VIPR2: variants seen among roughly 807,000 people sequenced by gnomAD.
VIPR2 encodes the protein vasoactive intestinal peptide receptor 2.
VIPR2 carries 48 observed loss-of-function variants against 58.0 expected under a neutral mutation model. The ratio of observed to expected loss-of-function variants is 0.83; its 90% confidence interval spans 0.66 to 1.05. The LOEUF (loss-of-function observed/expected upper bound fraction) is 1.05. VIPR2 is among the 50% of genes least tolerant of loss of function. The pLI is 0.00. For synonymous variants in VIPR2, 243 were observed against 235.2 expected, an observed-to-expected ratio of 1.03 and a Z score of -0.30; for missense variants, 534 against 558.0, an observed-to-expected ratio of 0.96 and a Z score of 0.43.
At chr7:159,135,309 G>C (rs1180304915) in intron 2 of VIPR2, among the ~76,000 whole-genome samples, 1 of 152,002 alleles carries the variant, frequency 6.6e-6, no homozygotes, top group African/African-American at 2.4e-5. Context: ...GCACATGCCA[G>C]TAATCCCAGC....
In VIPR2 at chr7:159,098,629, G is replaced by C. The variant is rs1484110396; in HGVS notation, c.357+5128C>G. Among the ~76,000 whole-genome samples the C allele has an allele frequency of 6.6e-6, 1 of 152,126 alleles. No homozygotes were observed. Among genetic ancestry groups the C allele is most frequent in the Non-Finnish European group, 1.5e-5 (1 of 68,030 alleles). On this transcript the variant is annotated intron_variant, in intron 4 of 12. Coordinates refer to ENST00000262178, the MANE Select transcript of VIPR2 (RefSeq NM_003382.5). The surrounding 1 kb of genome is among the most constrained non-coding windows in gnomAD (Gnocchi z 5.2). Reference sequence around the variant, plus strand: ...ATGCAGCTGCTCAGCAGTGCCCAGGGCTGCCCTAGAGCCCTCTGGTCCGCA... The same window carrying C: ...ATGCAGCTGCTCAGCAGTGCCCAGGCCTGCCCTAGAGCCCTCTGGTCCGCA...
At chr7:159,078,551 C>G (rs1292821535) in intron 4 of VIPR2, among the ~76,000 whole-genome samples, 1 of 152,166 alleles carries the variant, frequency 6.6e-6, no homozygotes, top group Non-Finnish European at 1.5e-5. Flanking sequence ...AACTTGGAGA[C>G]TTAGTTTATT....
chr7:159,050,583 G>A (rs186725404), intron 5 of VIPR2, among the ~76,000 whole-genome samples: 82 of 152,086 alleles, frequency 5.4e-4, no homozygotes, highest in Middle Eastern at 3.4e-3. Context: ...CAGCAGATGC[G>A]AGTACCATGA....
At chr7:159,087,457 A>G (rs1857242773) in intron 4 of VIPR2, among the ~76,000 whole-genome samples, 1 of 127,716 alleles carries the variant, frequency 7.8e-6, no homozygotes, top group Non-Finnish European at 1.7e-5. Flanking sequence ...AACAATACCC[A>G]GGACTTGGAT....
chr7:159,068,226 G>A (rs1433984025), intron 4 of VIPR2, among the ~76,000 whole-genome samples: 1 of 152,272 alleles, frequency 6.6e-6, no homozygotes, highest in Admixed American at 6.5e-5. Context: ...TTCCGTGAGG[G>A]GAGAGTCAGC....
rs367555751 is a variant in VIPR2 at position 159,109,800 on chromosome 7, G to A, written c.259+12C>T. 24 of 1,613,018 alleles carry A rather than the reference G, an allele frequency of 1.5e-5. No individual in the cohort carries two copies. The highest frequency in any genetic ancestry group is 1.6e-4 in the Middle Eastern group (1 of 6,084). ...CCTGGAGGAGCTCAGGAACTCAACCGACGGACAGTACCTGCTTTGCTGTAA... is the reference window on the plus strand; with the variant it reads ...CCTGGAGGAGCTCAGGAACTCAACCAACGGACAGTACCTGCTTTGCTGTAA... On this transcript the variant is annotated intron_variant, in intron 3 of 12. Coordinates refer to ENST00000262178, the MANE Select transcript of VIPR2 (RefSeq NM_003382.5).
At chr7:159,119,035 T>C (rs1003450149) in intron 2 of VIPR2, among the ~76,000 whole-genome samples, 1 of 152,250 alleles carries the variant, frequency 6.6e-6, no homozygotes, top group African/African-American at 2.4e-5. Context: ...AGGATGTTTT[T>C]ATTGTTTCAG....
chr7:159,070,638 AG>A lies in VIPR2; in HGVS notation c.358-12061del, dbSNP rs562560510. Among the ~76,000 whole-genome samples the A allele has an allele frequency of 3.9e-5, 6 of 152,366 alleles. No homozygotes were observed. The South Asian group carries it at 1.0e-3, about 26-fold the overall frequency. ...AGTCACTCGGCCTGTACTTCACCAC[AG>A]GAAGTTTGTTTTGGGAACTGTCCCA... is the stretch of plus-strand genomic sequence containing the variant. On this transcript the variant is annotated intron_variant, in intron 4 of 12. Coordinates refer to ENST00000262178, the MANE Select transcript of VIPR2 (RefSeq NM_003382.5).
At position 159,096,990 on chromosome 7, in the gene VIPR2, CT is replaced by C. The variant is rs901817943; in HGVS notation, c.357+6766del. ...CCTGAGGACCATGAGGGGAGGCTTC[CT>C]TCAGAAAAGCTGCTGCTCTCAGAGG... On this transcript the variant is annotated intron_variant, in intron 4 of 12. Coordinates refer to ENST00000262178, the MANE Select transcript of VIPR2 (RefSeq NM_003382.5). This position sits in a 1 kb window ranked among gnomAD's most constrained non-coding sequence, Gnocchi z 5.5. 4.5e-6 allele frequency: 7 copies of C among 1,550,610 alleles called. No homozygotes were observed. In the Admixed American group the frequency reaches 1.4e-4, roughly 30 times the overall value.
chr7:159,135,630 C>T (rs888386694), intron 2 of VIPR2, among the ~76,000 whole-genome samples: 1 of 151,910 alleles, frequency 6.6e-6, no homozygotes, highest in Admixed American at 6.6e-5. Context: ...CGAGACCAGC[C>T]TGGCCAACAT....
At chr7:159,121,999 G>A (rs1441032740) in intron 2 of VIPR2, among the ~76,000 whole-genome samples, 1 of 152,202 alleles carries the variant, frequency 6.6e-6, no homozygotes. Flanking sequence ...AAGCCAAGAC[G>A]TGAAAAGTTG....
intron 2 of VIPR2, among the ~76,000 whole-genome samples, chr7:159,132,901 ATGATT>A (rs1362475528): frequency 2.2e-5 from 3 of 138,258 alleles, no homozygotes; most frequent in Admixed American, 7.3e-5. Flanking sequence ...TTCAGACAGA[ATGATT>A]GGCATACAGA....
At chr7:159,129,268 G>C (rs13228547) in intron 2 of VIPR2, among the ~76,000 whole-genome samples, 423 of 92,102 alleles carry the variant, frequency 4.6e-3, no homozygotes, top group African/African-American at 0.019. Flanking sequence ...TGGCCTCTGG[G>C]GGGGACAGGG....
Position 159,043,101 on chromosome 7 carries a change from C to A in VIPR2, c.531G>T (p.Leu177=). 1 of 1,614,054 alleles carries A rather than the reference C, an allele frequency of 6.2e-7. No individual in the cohort carries two copies. Among genetic ancestry groups the A allele is most frequent in the Non-Finnish European group, 8.5e-7 (1 of 1,180,028 alleles). Residue 177 remains leucine, a synonymous_variant, in exon 6 of 13, where the codon CTG becomes CTT. Transcript: ENST00000262178. ...TGGAGTAGAGAACGTCGTCCTTGAC[C>A]AGCACTGAGATGGCTCTCAGGATGA... ...LSFILRAISV[L]VKDDVLYSSS...
Position 159,096,725 on chromosome 7 carries a change from G to A in VIPR2, c.357+7032C>T. The A allele has an allele frequency of 7.3e-7, 1 of 1,376,222 alleles. No homozygotes were observed. Among genetic ancestry groups the A allele is most frequent in the East Asian group, 2.6e-5 (1 of 39,002 alleles). The allele number at this position is 1,376,222 out of a possible 1,614,324, so 85.3% of individuals were successfully genotyped here. Reference sequence around the variant, plus strand: ...AGTGCTCATAATCCTGTCTGGTTGTGCCAGGTGACAGCTGAATGATTTCTG... The same window carrying A: ...AGTGCTCATAATCCTGTCTGGTTGTACCAGGTGACAGCTGAATGATTTCTG... On this transcript the variant is annotated intron_variant, in intron 4 of 12. Transcript: ENST00000262178. The surrounding 1 kb of genome is among the most constrained non-coding windows in gnomAD (Gnocchi z 5.5).
At chr7:159,113,142 G>A (rs1443798542) in intron 2 of VIPR2, among the ~76,000 whole-genome samples, 1 of 152,198 alleles carries the variant, frequency 6.6e-6, no homozygotes, top group South Asian at 2.1e-4. Flanking sequence ...ACTAAAGGCA[G>A]GTAGCCCAGC....
In VIPR2 at chr7:159,097,193, G is replaced by A; in HGVS notation, c.357+6564C>T. ...TTGTCACCAGGGATGGGAGCCCTGG[G>A]GAGTGAAGTTTGCCATCAGTGGGAA... On this transcript the variant is annotated intron_variant, in intron 4 of 12. Coordinates refer to ENST00000262178, the MANE Select transcript of VIPR2 (RefSeq NM_003382.5). The surrounding 1 kb of genome is among the most constrained non-coding windows in gnomAD (Gnocchi z 5.3). The A allele has an allele frequency of 2.1e-6, 3 of 1,433,480 alleles. No individual in the cohort carries two copies. The highest frequency in any genetic ancestry group is 2.8e-6 in the Non-Finnish European group (3 of 1,089,846). 88.8% of individuals were successfully genotyped at this position (1,433,480 alleles called of 1,614,324 possible).
Position 159,135,101 on chromosome 7 carries a change from C to T in VIPR2, c.151+7345G>A, listed in dbSNP as rs114116780. On this transcript the variant is annotated intron_variant, in intron 2 of 12. Coordinates refer to ENST00000262178, the MANE Select transcript of VIPR2 (RefSeq NM_003382.5). ...TCAGGATAACTTATTAAGCTTCATG[C>T]TGTCTCTAGTCTTTGATTAGTTAAG... Among the ~76,000 whole-genome samples, 1,274 of 138,590 alleles carry T rather than the reference C, an allele frequency of 9.2e-3. 10 individuals are homozygous for T. Among genetic ancestry groups the T allele is most frequent in the African/African-American group, 0.032 (1,178 of 37,374 alleles). 90.9% of individuals were successfully genotyped at this position (138,590 alleles called of 152,430 possible). A position where few individuals can be genotyped will look rare whatever the true frequency, so the allele number is the denominator to read the frequency against.
At chr7:159,101,115 C>T (rs1858194471) in intron 4 of VIPR2, among the ~76,000 whole-genome samples, 2 of 139,442 alleles carry the variant, frequency 1.4e-5, no homozygotes, top group Admixed American at 7.1e-5. Context: ...CGAGGCGGTT[C>T]CGACTGTTCC....
Sources: allele counts gnomAD v4.1 joint callset (sites outside exome capture counted in the v4.1 genomes callset), GRCh38; gene constraint gnomAD v4.1.1; non-coding constraint Gnocchi (gnomAD v3.1); transcripts MANE v1.5; gene names NCBI Gene and HGNC (gene_info 2026-07-23, HGNC 2026-07-21).